The following AR variants were observed in gnomAD, a reference collection of about 807,000 sequenced individuals.
The protein encoded by AR is androgen receptor, also known as dihydrotestosterone receptor.
A neutral mutation model predicts 53.9 loss-of-function variants in AR; 8 were observed. The observed-to-expected ratio is 0.15, with a 90% confidence interval of 0.09 to 0.27. AR has a LOEUF of 0.27. Among genes scored for constraint, AR ranks in the 10% least tolerant of loss-of-function variants. AR has a pLI of 1.00. For missense variants in AR, 639 were observed against 742.5 expected (o/e 0.86, Z 1.62); for synonymous variants, 359 against 316.4 (o/e 1.13, Z -1.43).
intron 1 of AR, among the ~76,000 whole-genome samples, chrX:67,605,657 A>G (rs1213894372): frequency 1.8e-5 from 2 of 111,924 alleles, no homozygotes; most frequent in African/African-American, 6.5e-5. Flanking sequence ...GGGCTATGAA[A>G]TGGTCATCCG....
intron 1 of AR, among the ~76,000 whole-genome samples, chrX:67,550,000 G>T: frequency 8.9e-6 from 1 of 111,817 alleles, no homozygotes; most frequent in Non-Finnish European, 1.9e-5. Flanking sequence ...CTGCCCATAG[G>T]CTTCAGGAAC....
chrX:67,685,822 T>C (rs1304452215), intron 2 of AR, 188 bp from the exon 3 acceptor site: 1 of 614,214 alleles, frequency 1.6e-6, no homozygotes, highest in East Asian at 3.7e-5. Flanking sequence ...AATCAAACAA[T>C]ATAGTGCCAA....
intron 2 of AR, among the ~76,000 whole-genome samples, chrX:67,663,426 TTTC>T (rs1927063796): frequency 8.9e-6 from 1 of 112,302 alleles, no homozygotes; most frequent in African/African-American, 3.2e-5. Context: ...TTAAAATTCT[TTTC>T]TTTAAGAATG....
At chrX:67,583,657 G>A (rs749728523) in intron 1 of AR, among the ~76,000 whole-genome samples, 3 of 111,597 alleles carry the variant, frequency 2.7e-5, no homozygotes, top group Non-Finnish European at 5.6e-5. Context: ...AAGTCTTCAT[G>A]TACTTTGTGG....
rs1218448723 is a variant in AR at position 67,546,499 on chromosome X, TGGTGGTGGG to T, written c.1362_1370del (p.Gly471_Gly473del). On this transcript the variant is annotated inframe_deletion, in exon 1 of 8. Transcript: ENST00000374690. ...AAGGCCAGTTGTATGGACCGTGTGG[TGGTGGTGGG>T]GGTGGTGGCGGCGGCGGCGGCGGCG... 7.3e-6 allele frequency: 7 copies of T among 965,471 alleles called. No individual in the cohort carries two copies. The highest frequency in any genetic ancestry group is 8.2e-6 in the Non-Finnish European group (6 of 727,901). 79.6% of individuals were successfully genotyped at this position (965,471 alleles called of 1,213,427 possible).
At chrX:67,719,369 G>A (rs752870500) in intron 5 of AR, among the ~76,000 whole-genome samples, 1 of 112,134 alleles carries the variant, frequency 8.9e-6, no homozygotes, top group Non-Finnish European at 1.9e-5. Context: ...CCAGAGCCCT[G>A]AGACCTTTGG....
At chrX:67,613,984 A>C (rs1328928980) in intron 1 of AR, among the ~76,000 whole-genome samples, 1 of 112,200 alleles carries the variant, frequency 8.9e-6, no homozygotes, top group East Asian at 2.8e-4. Flanking sequence ...GTGAAAATCT[A>C]ACTGGCTAAG....
intron 1 of AR, among the ~76,000 whole-genome samples, chrX:67,586,732 A>G (rs1004866948): frequency 8.9e-6 from 1 of 111,940 alleles, no homozygotes; most frequent in Admixed American, 9.5e-5. Flanking sequence ...TTTAGGTATT[A>G]TGGAAGTTTA....
In AR at chrX:67,728,642, A is replaced by G. The variant is rs2076168671; in HGVS notation, c.*4801A>G. The G allele has an allele frequency of 1.0e-5, 1 of 100,427 alleles. No homozygotes were observed. The highest frequency in any genetic ancestry group is 1.4e-4 in the Admixed American group (1 of 7,251). The allele number at this position is 100,427 out of a possible 1,213,427, so 8.3% of individuals were successfully genotyped here. On this transcript the variant is annotated 3_prime_UTR_variant, in exon 8 of 8. Coordinates refer to ENST00000374690, the MANE Select transcript of AR (RefSeq NM_000044.6). Reference sequence around the variant, plus strand: ...TGTGTGTGTGTGTTCTGATAGCTTTAACTTTCTCTGCATCTTTATATTTGG... The same window carrying G: ...TGTGTGTGTGTGTTCTGATAGCTTTGACTTTCTCTGCATCTTTATATTTGG...
chrX:67,661,694 T>A (rs763520495), intron 2 of AR, among the ~76,000 whole-genome samples: 1 of 111,525 alleles, frequency 9.0e-6, no homozygotes, highest in Admixed American at 9.5e-5. Context: ...ATCAGGATGA[T>A]GTTGGCCTCC....
At chrX:67,657,285 T>C (rs745515183) in intron 2 of AR, among the ~76,000 whole-genome samples, 1 of 111,266 alleles carries the variant, frequency 9.0e-6, no homozygotes, top group South Asian at 3.8e-4. Context: ...CTTTCCCCTA[T>C]CCTTACCTTT....
At chrX:67,631,929 G>T (rs910060687) in intron 1 of AR, among the ~76,000 whole-genome samples, 3 of 113,197 alleles carry the variant, frequency 2.7e-5, no homozygotes, top group Non-Finnish European at 3.7e-5. Context: ...CTGCTGGGGG[G>T]TGCCTCCCAG....
chrX:67,702,903 G>A (rs1263068108), intron 3 of AR, among the ~76,000 whole-genome samples: 1 of 111,381 alleles, frequency 9.0e-6, no homozygotes, highest in African/African-American at 3.3e-5. Context: ...GGACAACATA[G>A]TGAGATCCCA....
chrX:67,637,174 T>A (rs1431362214), intron 1 of AR, among the ~76,000 whole-genome samples: 1 of 110,707 alleles, frequency 9.0e-6, no homozygotes, highest in Non-Finnish European at 1.9e-5. Flanking sequence ...TATTGTTTTT[T>A]TTTTATTTTA....
chrX:67,598,599 T>C (rs1180551139), intron 1 of AR, among the ~76,000 whole-genome samples: 1 of 111,336 alleles, frequency 9.0e-6, no homozygotes, highest in Non-Finnish European at 1.9e-5. Flanking sequence ...GTTTTTATTC[T>C]GACTAGAAAA....
At chrX:67,626,025 A>G (rs1158103857) in intron 1 of AR, among the ~76,000 whole-genome samples, 1 of 111,810 alleles carries the variant, frequency 8.9e-6, no homozygotes, top group Non-Finnish European at 1.9e-5. Context: ...TCATATTAGG[A>G]TAAATGAAGT....
chrX:67,729,842 G>A lies in AR; in HGVS notation c.*6001G>A, dbSNP rs2076172660. The A allele has an allele frequency of 5.7e-6, 1 of 173,959 alleles. No individual in the cohort carries two copies. The highest frequency in any genetic ancestry group is 2.9e-5 in the African/African-American group (1 of 34,249). 14.3% of individuals were successfully genotyped at this position (173,959 alleles called of 1,213,427 possible). Reference sequence around the variant, plus strand: ...AGTATGGGAACCTGTACTCTGCAGAGGTGACAGGCCAGATTTGCATTATCT... The same window carrying A: ...AGTATGGGAACCTGTACTCTGCAGAAGTGACAGGCCAGATTTGCATTATCT... On this transcript the variant is annotated 3_prime_UTR_variant, in exon 8 of 8. Transcript: ENST00000374690.
chrX:67,636,964 C>T (rs979945905), intron 1 of AR, among the ~76,000 whole-genome samples: 14 of 111,679 alleles, frequency 1.3e-4, no homozygotes, highest in Non-Finnish European at 2.3e-4. Flanking sequence ...CTTTATTAAA[C>T]TCATGCCTAA....
chrX:67,616,995 T>A (rs1924151486), intron 1 of AR, among the ~76,000 whole-genome samples: 1 of 111,635 alleles, frequency 9.0e-6, no homozygotes, highest in Admixed American at 9.5e-5. Context: ...ATTTGAAGAC[T>A]AAATCATAGA....
Sources: allele counts gnomAD v4.1 joint callset (sites outside exome capture counted in the v4.1 genomes callset), GRCh38; gene constraint gnomAD v4.1.1; transcripts MANE v1.5; gene names NCBI Gene and HGNC (gene_info 2026-07-23, HGNC 2026-07-21).